WHR1: variants seen among roughly 807,000 people sequenced by gnomAD.
The protein encoded by WHR1 is winged helix repair factor 1, also known as MHC class III HLA-RP1.
the WHR1 span, chr6:31,980,102 G>T: frequency 3.2e-6 from 1 of 310,282 alleles, no homozygotes. Context: ...GTCTGCCTAG[G>T]CAGTGGCAGG....
At chr6:31,980,304 A>G in the WHR1 span, 3 of 720,618 alleles carry the variant, frequency 4.2e-6, no homozygotes, top group Non-Finnish European at 2.2e-6. Context: ...GCGAGCACAG[A>G]ACCACCCCAG....
the WHR1 span, chr6:31,978,887 T>C: frequency 6.2e-7 from 1 of 1,612,150 alleles, no homozygotes; most frequent in Non-Finnish European, 8.5e-7. Flanking sequence ...TTTCACTCTC[T>C]TCTCTGTGGA....
chr6:31,980,854 A>G, the WHR1 span: 1 of 1,399,054 alleles, frequency 7.1e-7, no homozygotes. Context: ...CCAAAGTGGG[A>G]TTTCCTCCCA....
At chr6:31,978,658 G>T in the WHR1 span, among the ~76,000 whole-genome samples, 1 of 152,234 alleles carries the variant, frequency 6.6e-6, no homozygotes, top group Admixed American at 6.5e-5. Flanking sequence ...CTTAGTGCCT[G>T]GTCTTAGAAA....
At chr6:31,976,916 C>T in the WHR1 span, among the ~76,000 whole-genome samples, 19 of 152,216 alleles carry the variant, frequency 1.2e-4, no homozygotes, top group African/African-American at 4.1e-4. Flanking sequence ...TGGCGGCGCG[C>T]GCCTGCAATC....
chr6:31,978,786 C>T, the WHR1 span: 1 of 838,770 alleles, frequency 1.2e-6, no homozygotes, highest in South Asian at 1.8e-5. Flanking sequence ...TTTTCCTTTA[C>T]TAAGAGAAAA....
chr6:31,972,221 G>T, the WHR1 span: 4 of 1,612,770 alleles, frequency 2.5e-6, no homozygotes, highest in African/African-American at 5.3e-5. The surrounding 1 kb of genome is among the most constrained non-coding windows in gnomAD (Gnocchi z 6.3). Context: ...ATGCTGGTAT[G>T]TGCGTCGCCA....
chr6:31,971,522 A>G, the WHR1 span: 4 of 1,614,210 alleles, frequency 2.5e-6, no homozygotes, highest in Non-Finnish European at 3.4e-6. The surrounding 1 kb of genome is among the most constrained non-coding windows in gnomAD (Gnocchi z 4.5). Flanking sequence ...TCCAGGGAGA[A>G]GCAGCCCAGT....
At chr6:31,980,525 G>C in the WHR1 span, 3 of 1,612,922 alleles carry the variant, frequency 1.9e-6, no homozygotes, top group Non-Finnish European at 2.5e-6. Context: ...GGAGCTGGGA[G>C]ATTCATCAAG....
chr6:31,972,794 C>G, the WHR1 span: 1 of 1,605,662 alleles, frequency 6.2e-7, no homozygotes, highest in Non-Finnish European at 8.5e-7. This position sits in a 1 kb window ranked among gnomAD's most constrained non-coding sequence, Gnocchi z 6.3. Flanking sequence ...AAGCCCCTTT[C>G]CTAACTCCTG....
At chr6:31,973,144 G>C in the WHR1 span, 1 of 444,222 alleles carries the variant, frequency 2.3e-6, no homozygotes, top group Non-Finnish European at 4.4e-6. Context: ...ATGAGGCAGG[G>C]AGGTCAGCTA....
the WHR1 span, among the ~76,000 whole-genome samples, chr6:31,975,536 T>G: frequency 6.6e-6 from 1 of 151,136 alleles, no homozygotes; most frequent in Admixed American, 6.6e-5. Context: ...GGTTTCACCC[T>G]GTTGGCCAGG....
the WHR1 span, among the ~76,000 whole-genome samples, chr6:31,976,591 C>G: frequency 1.3e-5 from 2 of 151,590 alleles, no homozygotes; most frequent in South Asian, 2.1e-4. Flanking sequence ...CTCCTCACAT[C>G]CCAGACGATG....
At chr6:31,972,261 G>A in the WHR1 span, 3 of 1,613,116 alleles carry the variant, frequency 1.9e-6, no homozygotes, top group South Asian at 1.1e-5. The surrounding 1 kb of genome is among the most constrained non-coding windows in gnomAD (Gnocchi z 6.3). Context: ...CGGGCCTGAG[G>A]GACGACAAGT....
the WHR1 span, among the ~76,000 whole-genome samples, chr6:31,973,841 C>T: frequency 1.3e-5 from 2 of 152,262 alleles, no homozygotes; most frequent in Admixed American, 1.3e-4. Flanking sequence ...ATGAATTACG[C>T]TCTCTTGGGG....
chr6:31,972,873 G>A, the WHR1 span: 6 of 1,531,456 alleles, frequency 3.9e-6, no homozygotes, highest in Non-Finnish European at 3.5e-6. This position sits in a 1 kb window ranked among gnomAD's most constrained non-coding sequence, Gnocchi z 6.3. Context: ...CGAGGGCACT[G>A]TGCCAGGCAC....
the WHR1 span, among the ~76,000 whole-genome samples, chr6:31,979,258 G>C: frequency 8.4e-6 from 1 of 119,610 alleles, no homozygotes; most frequent in Admixed American, 8.4e-5. Flanking sequence ...GGGAGGAAGA[G>C]GGGGAGGAGG....
the WHR1 span, among the ~76,000 whole-genome samples, chr6:31,976,311 C>G: frequency 6.6e-6 from 1 of 151,746 alleles, no homozygotes; most frequent in African/African-American, 2.4e-5. Flanking sequence ...GGCGGAGATG[C>G]TCCTCACTTC....
chr6:31,976,035 G>T, the WHR1 span, among the ~76,000 whole-genome samples: 1 of 150,302 alleles, frequency 6.7e-6, no homozygotes, highest in East Asian at 2.0e-4. Flanking sequence ...CGGGCGGGGG[G>T]GGCTGACCCC....
Sources: allele counts gnomAD v4.1 joint callset (sites outside exome capture counted in the v4.1 genomes callset), GRCh38; gene constraint gnomAD v4.1.1; non-coding constraint Gnocchi (gnomAD v3.1); transcripts MANE v1.5; gene names NCBI Gene and HGNC (gene_info 2026-07-23, HGNC 2026-07-21).